Variants in TBC1D20 observed in about 807,000 individuals in gnomAD.
The protein encoded by TBC1D20 is TBC1 domain family member 20.
TBC1D20 carries 12 observed loss-of-function variants against 41.6 expected under a neutral mutation model. The ratio of observed to expected loss-of-function variants is 0.29; its 90% CI spans 0.18 to 0.47. TBC1D20 has a LOEUF of 0.47. Among genes scored for constraint, TBC1D20 ranks in the 20% least tolerant of loss-of-function variants. The probability of loss-of-function intolerance (pLI) is 1.00; values close to 1 mark genes in which losing one functional copy is unlikely to be tolerated. For synonymous variants in TBC1D20, 205 were observed against 204.8 expected, an observed-to-expected ratio of 1.00 and a Z score of -0.01; for missense variants, 421 against 517.4, an observed-to-expected ratio of 0.81 and a Z score of 1.81.
chr20:438,552 T>C lies in TBC1D20; in HGVS notation c.*34A>G, dbSNP rs1404682967. On this transcript the variant is annotated 3_prime_UTR_variant, in exon 8 of 8. Transcript: ENST00000354200. ...ATCCTTCCATGGAAGGGTGAGACCT[T>C]AATGTGATGTAAGAGGAAGGTCTTC... is the stretch of plus-strand genomic sequence containing the variant. 2 of 1,609,146 alleles carry C rather than the reference T, an allele frequency of 1.2e-6. No homozygotes were observed. Among genetic ancestry groups the C allele is most frequent in the East Asian group, 4.5e-5 (2 of 44,806 alleles).
rs530058992 is a variant in TBC1D20, at chr20:445,914, T to A, written c.257-784A>T. On this transcript the variant is annotated intron_variant, in intron 2 of 7. Coordinates refer to ENST00000354200, the MANE Select transcript of TBC1D20 (RefSeq NM_144628.4). Reference sequence around the variant, plus strand: ...GAACATCATCTCAGGATTCAGGGTGTGAACATGGCACTGCCTTAGCCTTCC... The same window carrying A: ...GAACATCATCTCAGGATTCAGGGTGAGAACATGGCACTGCCTTAGCCTTCC... 2.4e-4 allele frequency among the ~76,000 whole-genome samples: 36 copies of A among 152,346 alleles called. 1 individual carries two copies. In the South Asian group the frequency reaches 7.5e-3, roughly 32 times the overall value.
At chr20:443,619 G>A (rs1018125808) in intron 3 of TBC1D20, among the ~76,000 whole-genome samples, 13 of 152,154 alleles carry the variant, frequency 8.5e-5, no homozygotes, top group Non-Finnish European at 1.6e-4. Context: ...AGGAAACGAA[G>A]CAAACCCAGG....
chr20:455,806 C>G (rs2017530079), intron 1 of TBC1D20, among the ~76,000 whole-genome samples: 1 of 151,730 alleles, frequency 6.6e-6, no homozygotes, highest in Admixed American at 6.6e-5. Flanking sequence ...GTGGCAGGTG[C>G]CTGTAATCCT....
chr20:448,261 T>C (rs1043281196), intron 1 of TBC1D20, among the ~76,000 whole-genome samples, 187 bp from the exon 2 acceptor site: 2 of 152,216 alleles, frequency 1.3e-5, no homozygotes, highest in African/African-American at 4.8e-5. Context: ...CTGGACCTCA[T>C]GGTGGGAGGC....
chr20:446,016 A>G (rs1238370211), intron 2 of TBC1D20, among the ~76,000 whole-genome samples: 8 of 152,270 alleles, frequency 5.3e-5, no homozygotes, highest in Admixed American at 5.2e-4. Context: ...ACTGGGTGAC[A>G]TCATGACGCT....
intron 3 of TBC1D20, among the ~76,000 whole-genome samples, chr20:443,542 A>C (rs2017277255): frequency 1.3e-5 from 2 of 152,184 alleles, no homozygotes; most frequent in Admixed American, 1.3e-4. Context: ...GTAAGAGCAA[A>C]ACTCACCTCT....
chr20:459,642 T>TA (rs1200436811), intron 1 of TBC1D20, among the ~76,000 whole-genome samples: 2 of 152,104 alleles, frequency 1.3e-5, no homozygotes, highest in Admixed American at 1.3e-4. Flanking sequence ...CGCTTATTTT[T>TA]ATTTATTTAT....
In TBC1D20 at chr20:447,965, G is replaced by A. The variant is rs1465958892; in HGVS notation, c.180C>T (p.Leu60=). ...CTTTTCGTCTGATCTCATCAGTCAG[G>A]AGCCCTCCTTCACTGATAGCCATGC... ...LRRMAISEGG[L]LTDEIRRKVW... is the part of the protein sequence containing the mutation. The change falls in exon 2 of 8, where the codon CTC becomes CTT. Residue 60 remains leucine (L), a synonymous_variant. Transcript: ENST00000354200. 14 of 1,614,144 alleles carry A rather than the reference G, an allele frequency of 8.7e-6. No individual in the cohort carries two copies. Among genetic ancestry groups the A allele is most frequent in the Non-Finnish European group, 1.2e-5 (14 of 1,180,020 alleles).
At chr20:452,400 G>A (rs2017461678) in intron 1 of TBC1D20, among the ~76,000 whole-genome samples, 1 of 152,230 alleles carries the variant, frequency 6.6e-6, no homozygotes, top group South Asian at 2.1e-4. Flanking sequence ...GGGCCAAGGT[G>A]TGAGAATCAC....
intron 4 of TBC1D20, 66 bp from the exon 5 acceptor site, chr20:441,755 G>T (rs1387232504): frequency 3.1e-6 from 5 of 1,592,900 alleles, no homozygotes; most frequent in Non-Finnish European, 4.3e-6. Context: ...GGTGGCGAGG[G>T]CTCAAACTCC....
chr20:459,491 A>C, intron 1 of TBC1D20, among the ~76,000 whole-genome samples: 1 of 152,348 alleles, frequency 6.6e-6, no homozygotes, highest in East Asian at 1.9e-4. Context: ...GGTCTTGGCT[A>C]TCATAACCAT....
intron 1 of TBC1D20, among the ~76,000 whole-genome samples, chr20:456,557 CT>C (rs1282710304): frequency 3.3e-5 from 5 of 151,054 alleles, no homozygotes; most frequent in African/African-American, 9.8e-5. Flanking sequence ...GAAAGAATGA[CT>C]TTTTTTCTTC....
At chr20:448,707 G>A (rs1197655562) in intron 1 of TBC1D20, among the ~76,000 whole-genome samples, 9 of 142,424 alleles carry the variant, frequency 6.3e-5, no homozygotes, top group Non-Finnish European at 9.1e-5. Context: ...AAAAAAAAAA[G>A]AGACATTGTC....
chr20:449,046 A>G (rs2017392192), intron 1 of TBC1D20, among the ~76,000 whole-genome samples: 1 of 150,084 alleles, frequency 6.7e-6, no homozygotes, highest in East Asian at 2.1e-4. Flanking sequence ...TAGCGTTCAC[A>G]ACGTTGGCCA....
At chr20:455,659 G>A (rs1461546409) in intron 1 of TBC1D20, among the ~76,000 whole-genome samples, 10 of 151,330 alleles carry the variant, frequency 6.6e-5, no homozygotes, top group African/African-American at 1.2e-4. Flanking sequence ...TAGGCCAGGC[G>A]TGGTGGCTCA....
intron 1 of TBC1D20, among the ~76,000 whole-genome samples, chr20:459,424 ACAAGATAGTGCAC>A (rs1401484769): frequency 1.3e-5 from 2 of 152,110 alleles, no homozygotes; most frequent in African/African-American, 4.8e-5. Context: ...TGCCCCACTT[ACAAGATAGTGCAC>A]TATTATTCCA....
chr20:439,669 A>T lies in TBC1D20; in HGVS notation c.769-374T>A, dbSNP rs1303507845. On this transcript the variant is annotated intron_variant, in intron 6 of 7. Coordinates refer to ENST00000354200, the MANE Select transcript of TBC1D20 (RefSeq NM_144628.4). The surrounding 1 kb of genome is among the most constrained non-coding windows in gnomAD (Gnocchi z 4.6). ...AGCTCCAGCATAGAAGAAATGGTTC[A>T]AAACAGTAGAAAGAACAGTCTTGCT... Among the ~76,000 whole-genome samples the T allele has an allele frequency of 6.6e-6, 1 of 152,210 alleles. No homozygotes were observed.
At chr20:457,055 G>C (rs2017553659) in intron 1 of TBC1D20, among the ~76,000 whole-genome samples, 1 of 149,514 alleles carries the variant, frequency 6.7e-6, no homozygotes, top group Admixed American at 6.7e-5. Flanking sequence ...TCCTGCCTCA[G>C]CCTCCCGAGT....
intron 1 of TBC1D20, among the ~76,000 whole-genome samples, chr20:453,147 C>G (rs1284153262): frequency 1.1e-5 from 1 of 90,788 alleles, no homozygotes; most frequent in African/African-American, 5.0e-5. Flanking sequence ...GAGCGAAACT[C>G]CGTTTCAAAA....
Sources: allele counts gnomAD v4.1 joint callset (sites outside exome capture counted in the v4.1 genomes callset), GRCh38; gene constraint gnomAD v4.1.1; non-coding constraint Gnocchi (gnomAD v3.1); transcripts MANE v1.5; gene names NCBI Gene and HGNC (gene_info 2026-07-23, HGNC 2026-07-21).